RNF220: variants seen among roughly 807,000 people sequenced by gnomAD.
RNF220 encodes the protein ring finger protein 220.
In RNF220, 7 loss-of-function variants were observed where a neutral mutation model predicts 67.1. The observed-to-expected ratio is 0.10, with a 90% confidence interval of 0.06 to 0.20. RNF220 has a LOEUF of 0.20. Among genes scored for constraint, RNF220 ranks in the 10% least tolerant of loss-of-function variants. The pLI, the probability that RNF220 is intolerant of heterozygous loss-of-function variation, is 1.00. For synonymous variants in RNF220, 270 were observed against 283.2 expected, an observed-to-expected ratio of 0.95 and a Z score of 0.47; for missense variants, 565 against 740.3, an observed-to-expected ratio of 0.76 and a Z score of 2.75.
intron 2 of RNF220, among the ~76,000 whole-genome samples, chr1:44,481,592 C>A (rs1004006605): frequency 6.6e-6 from 1 of 152,160 alleles, no homozygotes; most frequent in Non-Finnish European, 1.5e-5. Context: ...GAGCAGAAAC[C>A]ACCATGGCAC....
chr1:44,597,064 C>G lies in RNF220; in HGVS notation c.626-17101C>G, dbSNP rs536177395. On this transcript the variant is annotated intron_variant, in intron 2 of 14. Transcript: ENST00000361799. ...TGGCAGAGGAGCTGCAGCTCTGTAGCTACCATTTCCTGACCCACATGCCAG... is the reference window on the plus strand; with the variant it reads ...TGGCAGAGGAGCTGCAGCTCTGTAGGTACCATTTCCTGACCCACATGCCAG... Among the ~76,000 whole-genome samples the G allele has an allele frequency of 5.1e-4, 77 of 152,280 alleles. 1 individual carries two copies. The highest frequency in any genetic ancestry group is 3.5e-3 in the South Asian group (17 of 4,826).
chr1:44,510,362 G>A (rs1238727491), intron 2 of RNF220, among the ~76,000 whole-genome samples: 1 of 152,070 alleles, frequency 6.6e-6, no homozygotes, highest in Non-Finnish European at 1.5e-5. Context: ...GCTACCCCAG[G>A]GCACAGTGGA....
chr1:44,557,943 G>T (rs1171050133), intron 2 of RNF220, among the ~76,000 whole-genome samples: 1 of 152,182 alleles, frequency 6.6e-6, no homozygotes, highest in Non-Finnish European at 1.5e-5. Context: ...CTTCTCCAGG[G>T]TGGGACAGAG....
At chr1:44,595,857 G>A (rs1463574581) in intron 2 of RNF220, among the ~76,000 whole-genome samples, 3 of 151,996 alleles carry the variant, frequency 2.0e-5, no homozygotes, top group Non-Finnish European at 4.4e-5. Context: ...TCCACCTCCC[G>A]GGTTCACGCC....
Position 44,621,948 on chromosome 1 carries a change from C to T in RNF220, c.759-794C>T, listed in dbSNP as rs1344588195. 6.6e-6 allele frequency among the ~76,000 whole-genome samples: 1 copy of T among 152,138 alleles called. No individual in the cohort carries two copies. The highest frequency in any genetic ancestry group is 2.4e-5 in the African/African-American group (1 of 41,414). On this transcript the variant is annotated intron_variant, in intron 3 of 14. Coordinates refer to ENST00000361799, the MANE Select transcript of RNF220 (RefSeq NM_018150.4). The surrounding 1 kb of genome is among the most constrained non-coding windows in gnomAD (Gnocchi z 4.8). ...AATGTGCGAGCACAGATGTGGCAAGCGTAGTGGGGGCAGCAGGCAGGGAGG... is the reference window on the plus strand; with the variant it reads ...AATGTGCGAGCACAGATGTGGCAAGTGTAGTGGGGGCAGCAGGCAGGGAGG...
rs577410208 is a variant in RNF220 at position 44,512,123 on chromosome 1, C to T, written c.625+99401C>T. Among the ~76,000 whole-genome samples the T allele has an allele frequency of 6.6e-5, 10 of 152,234 alleles. No individual in the cohort carries two copies. In the South Asian group the frequency reaches 1.2e-3, roughly 19 times the overall value. On this transcript the variant is annotated intron_variant, in intron 2 of 14. Transcript: ENST00000361799. Reference sequence around the variant, plus strand: ...TGAAAACTGCACAGAAAAGAAAAATCGATGGCAGGGAATCATTCAGAGAGA... The same window carrying T: ...TGAAAACTGCACAGAAAAGAAAAATTGATGGCAGGGAATCATTCAGAGAGA...
intron 2 of RNF220, among the ~76,000 whole-genome samples, chr1:44,471,286 C>T (rs1400435403): frequency 2.7e-5 from 4 of 150,846 alleles, no homozygotes; most frequent in East Asian, 3.9e-4. Flanking sequence ...ATTAGCTGGG[C>T]GAGGTGTTGG....
chr1:44,412,583 A>G lies in RNF220; in HGVS notation c.486A>G (p.Glu162=). Residue 162 remains glutamate, a synonymous_variant, in exon 2 of 15, where the codon GAA becomes GAG. Coordinates refer to ENST00000361799, the MANE Select transcript of RNF220 (RefSeq NM_018150.4). The surrounding 1 kb of genome is among the most constrained non-coding windows in gnomAD (Gnocchi z 5.3). Reference sequence around the variant, plus strand: ...GCTTCTCAGATGCAGATGGCAAGGAATATGACTTTGGGACACAGCTGCCAT... The same window carrying G: ...GCTTCTCAGATGCAGATGGCAAGGAGTATGACTTTGGGACACAGCTGCCAT... ...HLRFSDADGK[E]YDFGTQLPSS... is the part of the protein sequence containing the mutation. The G allele has an allele frequency of 6.2e-7, 1 of 1,614,224 alleles. No individual in the cohort carries two copies. The highest frequency in any genetic ancestry group is 1.7e-5 in the Admixed American group (1 of 60,038).
At chr1:44,597,595 G>C (rs1309419475) in intron 2 of RNF220, among the ~76,000 whole-genome samples, 1 of 150,546 alleles carries the variant, frequency 6.6e-6, no homozygotes, top group African/African-American at 2.4e-5. Flanking sequence ...CAACATGTCT[G>C]TTATGCACCC....
chr1:44,547,419 C>T (rs758650393), intron 2 of RNF220, among the ~76,000 whole-genome samples: 1 of 152,184 alleles, frequency 6.6e-6, no homozygotes, highest in East Asian at 1.9e-4. Flanking sequence ...GTTCACCCTT[C>T]TTAACATCTC....
intron 7 of RNF220, 80 bp from the exon 8 acceptor site, chr1:44,635,950 G>C: frequency 6.2e-7 from 1 of 1,604,290 alleles, no homozygotes; most frequent in South Asian, 1.1e-5. Context: ...GCTGGGGCTA[G>C]AGCTGTGCCT....
chr1:44,528,303 A>C (rs1660554782), intron 2 of RNF220, among the ~76,000 whole-genome samples: 1 of 151,586 alleles, frequency 6.6e-6, no homozygotes, highest in Non-Finnish European at 1.5e-5. Flanking sequence ...CAAATTGGCA[A>C]CTTTTTTTTT....
rs925355519 is a variant in RNF220, at chr1:44,514,584, C to T, written c.626-99581C>T. On this transcript the variant is annotated intron_variant, in intron 2 of 14. Coordinates refer to ENST00000361799, the MANE Select transcript of RNF220 (RefSeq NM_018150.4). ...CTAGTGTTGAAACGATCTCCTCTTC[C>T]GGCCTGCAGAATGTCCTGCTGCTCC... is the stretch of plus-strand genomic sequence containing the variant. Among the ~76,000 whole-genome samples, 31 of 152,302 alleles carry T rather than the reference C, an allele frequency of 2.0e-4. No homozygotes were observed. In the East Asian group the frequency reaches 3.1e-3, roughly 15 times the overall value.
rs138083901 is a variant in RNF220, at chr1:44,498,016, C to T, written c.625+85294C>T. 1.3e-3 allele frequency among the ~76,000 whole-genome samples: 192 copies of T among 152,344 alleles called. 1 individual carries two copies. Among genetic ancestry groups the T allele is most frequent in the Non-Finnish European group, 2.2e-3 (152 of 68,032 alleles). On this transcript the variant is annotated intron_variant, in intron 2 of 14. Transcript: ENST00000361799. ...GAAAAGCCTGGCCTGGCCAAGTAGG[C>T]TGCTGGCTGGAGCCATGGATCAGCC...
At position 44,649,935 on chromosome 1, in the gene RNF220, A is replaced by C; in HGVS notation, c.1607A>C (p.Glu536Ala). The C allele has an allele frequency of 3.7e-6, 6 of 1,613,880 alleles. No homozygotes were observed. Among genetic ancestry groups the C allele is most frequent in the African/African-American group, 1.3e-5 (1 of 74,980 alleles). Residue 536 changes from glutamate (E) to alanine (A), a missense_variant, in exon 14 of 15, where the codon GAG becomes GCG. Transcript: ENST00000361799. This position sits in a 1 kb window ranked among gnomAD's most constrained non-coding sequence, Gnocchi z 5.9. ...TSIQCWHVHC[E>A]ECWLRTLGAK... is the part of the protein sequence containing the mutation. ...ATCCAGTGTTGGCACGTGCACTGCG[A>C]GGAGTGCTGGCTGCGGACCCTGGTG...
chr1:44,450,805 A>G (rs746123747), intron 2 of RNF220, among the ~76,000 whole-genome samples: 22 of 152,192 alleles, frequency 1.4e-4, no homozygotes, highest in Non-Finnish European at 2.9e-4. Flanking sequence ...TTATAGACAC[A>G]TCTAGTTATT....
intron 2 of RNF220, among the ~76,000 whole-genome samples, chr1:44,478,759 G>A (rs1030803376): frequency 5.3e-5 from 8 of 151,994 alleles, no homozygotes; most frequent in East Asian, 1.9e-4. Context: ...ATCAGAAATC[G>A]CCAGTCCATA....
At position 44,527,925 on chromosome 1, in the gene RNF220, C is replaced by CAAAAAAAAAAAAAAAAAAAAAAAAA. The variant is rs56409207; in HGVS notation, c.626-86238_626-86214dup. On this transcript the variant is annotated intron_variant, in intron 2 of 14. Transcript: ENST00000361799. ...TGGGTGACAGAGCAAGACTCCATCC[C>CAAAAAAAAAAAAAAAAAAAAAAAAA]AAAAAAAAAAAAAAAAAAAAAAAAA... Among the ~76,000 whole-genome samples the CAAAAAAAAAAAAAAAAAAAAAAAAA allele has an allele frequency of 3.6e-5, 2 of 56,206 alleles. 1 individual carries two copies. The highest frequency in any genetic ancestry group is 5.7e-5 in the Non-Finnish European group (2 of 35,070). 36.9% of individuals were successfully genotyped at this position (56,206 alleles called of 152,430 possible).
intron 2 of RNF220, among the ~76,000 whole-genome samples, chr1:44,561,398 T>C (rs1663560991): frequency 6.6e-6 from 1 of 152,102 alleles, no homozygotes; most frequent in Non-Finnish European, 1.5e-5. Flanking sequence ...TAATCCCAGC[T>C]ACTCGGGAGG....
Sources: allele counts gnomAD v4.1 joint callset (sites outside exome capture counted in the v4.1 genomes callset), GRCh38; gene constraint gnomAD v4.1.1; non-coding constraint Gnocchi (gnomAD v3.1); transcripts MANE v1.5; gene names NCBI Gene and HGNC (gene_info 2026-07-23, HGNC 2026-07-21).